Variants in PCDHA2 observed in about 807,000 individuals in gnomAD.
The protein encoded by PCDHA2 is protocadherin alpha 2.
Under a neutral mutation model 66.0 loss-of-function variants are expected in PCDHA2, and 58 were observed. That is an observed-to-expected ratio of 0.88 (90% CI 0.71 to 1.09). The LOEUF (loss-of-function observed/expected upper bound fraction) is 1.09. Among genes scored for constraint, PCDHA2 ranks in the 50% least tolerant of loss-of-function variants. The pLI, the probability that PCDHA2 is intolerant of heterozygous loss-of-function variation, is 0.00. For synonymous variants in PCDHA2, 634 were observed against 554.0 expected (o/e 1.14, Z -2.03); for missense variants, 1,267 against 1,242.3 (o/e 1.02, Z -0.30).
intron 1 of PCDHA2, chr5:140,829,893 C>T: frequency 6.2e-7 from 1 of 1,613,966 alleles, no homozygotes; most frequent in South Asian, 1.1e-5. Context: ...GACGCCGACT[C>T]AGGCTACAAC....
rs116723352 is a variant in PCDHA2 at position 140,805,359 on chromosome 5, G to T, written c.2388+8007G>T. On this transcript the variant is annotated intron_variant, in intron 1 of 3. Transcript: ENST00000526136. ...TGATCATTTTGTAAAAATATAGTTT[G>T]GGTCCCCACATAGTGAAAGTACTCT... 602 of 1,184,762 alleles carry T rather than the reference G, an allele frequency of 5.1e-4. 6 individuals carry two copies. In the African/African-American group the frequency reaches 8.8e-3, roughly 17 times the overall value. 73.4% of individuals were successfully genotyped at this position (1,184,762 alleles called of 1,614,324 possible).
intron 1 of PCDHA2, among the ~76,000 whole-genome samples, chr5:140,951,812 A>G (rs2094639418): frequency 1.3e-5 from 2 of 152,152 alleles, no homozygotes; most frequent in Admixed American, 1.3e-4. Context: ...ATGGTCCCTC[A>G]AAGTCTGAAC....
intron 3 of PCDHA2, among the ~76,000 whole-genome samples, chr5:141,000,533 T>G (rs1554257655): frequency 3.4e-5 from 5 of 147,384 alleles, no homozygotes; most frequent in Admixed American, 1.4e-4. Context: ...GTTCAAGTGA[T>G]TCTCATGCCT....
chr5:140,967,272 TAG>T, intron 1 of PCDHA2: 1 of 1,613,412 alleles, frequency 6.2e-7, no homozygotes, highest in Non-Finnish European at 8.5e-7. Flanking sequence ...CGCTTTCACA[TAG>T]AGAGTGCGCA....
chr5:140,888,239 C>G (rs1361679058), intron 1 of PCDHA2, among the ~76,000 whole-genome samples: 3 of 151,992 alleles, frequency 2.0e-5, no homozygotes, highest in Non-Finnish European at 4.4e-5. Flanking sequence ...TGTGCGTGTT[C>G]CTTTAAAGCA....
At chr5:140,870,593 G>C (rs991131905) in intron 1 of PCDHA2, 2 of 1,613,454 alleles carry the variant, frequency 1.2e-6, no homozygotes, top group Admixed American at 3.3e-5. Flanking sequence ...GTGGAGCGGC[G>C]GTTGGGCGAC....
intron 1 of PCDHA2, among the ~76,000 whole-genome samples, chr5:140,888,358 C>T (rs2061801167): frequency 6.6e-6 from 1 of 152,178 alleles, no homozygotes; most frequent in Non-Finnish European, 1.5e-5. Flanking sequence ...TTGCTACTGG[C>T]ATCTAATAAT....
chr5:140,802,508 C>T, intron 1 of PCDHA2: 1 of 1,614,184 alleles, frequency 6.2e-7, no homozygotes, highest in Non-Finnish European at 8.5e-7. Flanking sequence ...CACTGTGGGC[C>T]ACGGCCAGCG....
intron 1 of PCDHA2, chr5:140,847,946 T>C (rs1180480457): frequency 6.6e-6 from 1 of 151,812 alleles, no homozygotes; most frequent in Non-Finnish European, 1.5e-5. Context: ...CCTGGATTTC[T>C]CTTACACTAG....
At chr5:140,827,376 A>G (rs1769268337) in intron 1 of PCDHA2, among the ~76,000 whole-genome samples, 2 of 152,246 alleles carry the variant, frequency 1.3e-5, no homozygotes, top group African/African-American at 4.8e-5. Context: ...GAATCCTAAT[A>G]TAAGCTGCAG....
intron 1 of PCDHA2, chr5:140,841,338 G>C (rs2150313822): frequency 1.2e-6 from 2 of 1,611,372 alleles, no homozygotes; most frequent in South Asian, 1.1e-5. Flanking sequence ...TATCACTGGC[G>C]AGGAGAGCTG....
At chr5:140,947,780 A>G (rs2094176112) in intron 1 of PCDHA2, among the ~76,000 whole-genome samples, 1 of 151,588 alleles carries the variant, frequency 6.6e-6, no homozygotes, top group Non-Finnish European at 1.5e-5. Flanking sequence ...TTGTAAATGG[A>G]TTTTAAACAG....
At chr5:140,987,893 G>A (rs571929057) in intron 3 of PCDHA2, among the ~76,000 whole-genome samples, 82 of 152,138 alleles carry the variant, frequency 5.4e-4, no homozygotes, top group Admixed American at 1.5e-3. Context: ...ATGTGCCCTA[G>A]TTTTATATGG....
chr5:140,961,632 A>T (rs373824042), intron 1 of PCDHA2, among the ~76,000 whole-genome samples: 2 of 152,214 alleles, frequency 1.3e-5, no homozygotes, highest in African/African-American at 4.8e-5. Context: ...ATGAAAAACA[A>T]TCTTAAGTCT....
At chr5:140,907,882 G>A (rs895415928) in intron 1 of PCDHA2, among the ~76,000 whole-genome samples, 1 of 152,168 alleles carries the variant, frequency 6.6e-6, no homozygotes, top group African/African-American at 2.4e-5. Flanking sequence ...GCACTCACAT[G>A]GGATACAAAT....
At chr5:140,876,154 A>T (rs781957040) in intron 1 of PCDHA2, 4 of 1,613,972 alleles carry the variant, frequency 2.5e-6, no homozygotes, top group Non-Finnish European at 2.5e-6. Context: ...GTCTGTCCAG[A>T]TTCAAATAAC....
At chr5:140,881,393 A>T (rs1216651655) in intron 1 of PCDHA2, 1 of 979,528 alleles carries the variant, frequency 1.0e-6, no homozygotes, top group African/African-American at 1.8e-5. Context: ...GGTAAGTTAA[A>T]TTCTATTAAA....
chr5:140,800,412 A>G (rs1554121130), intron 1 of PCDHA2, among the ~76,000 whole-genome samples: 1 of 152,210 alleles, frequency 6.6e-6, no homozygotes, highest in African/African-American at 2.4e-5. Context: ...AAATGTACAT[A>G]TTTTAAGAAA....
intron 3 of PCDHA2, among the ~76,000 whole-genome samples, chr5:140,990,685 C>T (rs1451672615): frequency 2.6e-5 from 4 of 152,252 alleles, no homozygotes; most frequent in South Asian, 4.1e-4. Context: ...AAGCTGCTTT[C>T]GGAGAGTCCA....
Sources: gnomAD v4.1 joint callset for allele counts (sites outside exome capture counted in the v4.1 genomes callset) on GRCh38, gnomAD v4.1.1 for gene constraint, MANE v1.5 for transcripts, NCBI Gene and HGNC (gene_info 2026-07-23, HGNC 2026-07-21) for gene names.